Variants in TFB1M observed in about 807,000 individuals in gnomAD.
TFB1M encodes the protein dimethyladenosine transferase 1, mitochondrial.
A neutral mutation model predicts 31.1 loss-of-function variants in TFB1M; 27 were observed. That is an observed-to-expected ratio of 0.87 (90% CI 0.64 to 1.20). The LOEUF (loss-of-function observed/expected upper bound fraction) is 1.20, where lower values mean the gene tolerates loss of function less well. TFB1M is among the 50% of genes most tolerant of loss of function. The pLI is 0.00. For synonymous variants in TFB1M, 166 were observed against 151.8 expected (o/e 1.09, Z -0.69); for missense variants, 394 against 418.7 (o/e 0.94, Z 0.51).
intron 2 of TFB1M, among the ~76,000 whole-genome samples, chr6:155,302,598 T>A (rs1478468141): frequency 6.6e-6 from 1 of 152,200 alleles, no homozygotes; most frequent in Non-Finnish European, 1.5e-5. Flanking sequence ...CTCAGTATTT[T>A]AAATTTATGA....
At chr6:155,279,995 T>C (rs773826698) in intron 5 of TFB1M, among the ~76,000 whole-genome samples, 3 of 152,076 alleles carry the variant, frequency 2.0e-5, no homozygotes, top group Non-Finnish European at 4.4e-5. Flanking sequence ...TAAAAAAGAA[T>C]TTGAGGCAAC....
At chr6:155,300,220 C>G (rs753822266) in intron 2 of TFB1M, among the ~76,000 whole-genome samples, 1 of 152,146 alleles carries the variant, frequency 6.6e-6, no homozygotes, top group Non-Finnish European at 1.5e-5. Flanking sequence ...AGCTGAAACG[C>G]CTCTATTGGT....
chr6:155,245,628 A>G, the TFB1M span: 1 of 1,613,466 alleles, frequency 6.2e-7, no homozygotes, highest in South Asian at 1.1e-5. Flanking sequence ...TCTAGAAATT[A>G]CTGTTTTCCC....
At chr6:155,265,232 T>C (rs1784575823) in intron 5 of TFB1M, among the ~76,000 whole-genome samples, 2 of 152,154 alleles carry the variant, frequency 1.3e-5, no homozygotes, top group South Asian at 4.1e-4. Flanking sequence ...ACTGCCAGGG[T>C]CTGGACCCCA....
chr6:155,284,859 T>C (rs1038879454), intron 5 of TFB1M, among the ~76,000 whole-genome samples: 2 of 152,220 alleles, frequency 1.3e-5, no homozygotes, highest in African/African-American at 4.8e-5. Context: ...ACCGTGTAAC[T>C]TATCTTCCAT....
chr6:155,271,021 T>C (rs1276510346), intron 5 of TFB1M, among the ~76,000 whole-genome samples: 1 of 152,172 alleles, frequency 6.6e-6, no homozygotes, highest in African/African-American at 2.4e-5. Context: ...CCACAGATGT[T>C]AGACTTAGAA....
chr6:155,311,256 T>A lies in TFB1M; in HGVS notation c.217A>T (p.Ile73Phe), dbSNP rs1265895104. The change falls in exon 2 of 7, where the codon ATT becomes TTT. Residue 73 changes from isoleucine (I) to phenylalanine (F), a missense_variant. By Grantham distance (21) the Ile-to-Phe change is conservative. This residue lies in a region of TFB1M where 273 missense variants were observed against 256.4 expected (regional missense o/e 1.06). Coordinates refer to ENST00000367166, the MANE Select transcript of TFB1M (RefSeq NM_016020.4). The part of the protein sequence containing the change: ...GPGPGGITRS[I>F]LNADVAELLV... ...AGTTCAGCGACGTCGGCATTAAGAA[T>A]AGATCTTGTGATTCCCCCTGGCCCA... 6.2e-7 allele frequency: 1 copy of A among 1,614,050 alleles called. No homozygotes were observed. The highest frequency in any genetic ancestry group is 8.5e-7 in the Non-Finnish European group (1 of 1,179,986).
At chr6:155,247,493 G>A in the TFB1M span, among the ~76,000 whole-genome samples, 185 of 151,910 alleles carry the variant, frequency 1.2e-3, 1 homozygote, top group African/African-American at 4.1e-3. Flanking sequence ...CACGCCCGGC[G>A]AATTTTTGTA....
chr6:155,312,753 C>G, intron 1 of TFB1M, among the ~76,000 whole-genome samples: 1 of 151,966 alleles, frequency 6.6e-6, no homozygotes, highest in Non-Finnish European at 1.5e-5. Flanking sequence ...AAACTTACTC[C>G]TGAAGATAAA....
At chr6:155,254,236 A>G (rs1054526481), downstream of TFB1M, 49 of 1,015,852 alleles carry the variant, frequency 4.8e-5, no homozygotes, top group Non-Finnish European at 6.7e-5. Flanking sequence ...AATAAATATC[A>G]AAATCTTAAG....
At chr6:155,236,599 G>T in the TFB1M span, among the ~76,000 whole-genome samples, 2 of 152,164 alleles carry the variant, frequency 1.3e-5, no homozygotes, top group African/African-American at 4.8e-5. Context: ...GGAGGCAGAG[G>T]TTGCAGTGAG....
chr6:155,257,599 C>CTGTT lies in TFB1M; in HGVS notation c.*233_*236dup, dbSNP rs562177747. On this transcript the variant is annotated 3_prime_UTR_variant, in exon 7 of 7. Transcript: ENST00000367166. ...TTTGTAAGATAGATTGTAATAGATG[C>CTGTT]TGTTTATACTAAACATGTCATAACT... The CTGTT allele has an allele frequency of 1.3e-3, 663 of 497,822 alleles. 6 individuals are homozygous for CTGTT. The highest frequency in any genetic ancestry group is 0.011 in the African/African-American group (589 of 51,870). 30.8% of individuals were successfully genotyped at this position (497,822 alleles called of 1,614,324 possible). A position where few individuals can be genotyped will look rare whatever the true frequency, so the allele number is the denominator to read the frequency against.
rs902381133 is a variant in TFB1M at position 155,258,094 on chromosome 6, A to C, written c.795-12T>G. On this transcript the variant is annotated splice_polypyrimidine_tract_variant and intron_variant, in intron 6 of 6. Coordinates refer to ENST00000367166, the MANE Select transcript of TFB1M (RefSeq NM_016020.4). ...CAGGGAATAACATTCTGAGGGGAAG[A>C]CAGACAGACAGAAAAATAAGAATTT... The C allele has an allele frequency of 1.2e-6, 2 of 1,608,282 alleles. No individual in the cohort carries two copies. The highest frequency in any genetic ancestry group is 1.1e-5 in the South Asian group (1 of 90,922).
the TFB1M span, among the ~76,000 whole-genome samples, chr6:155,239,906 A>G: frequency 6.6e-6 from 1 of 152,182 alleles, no homozygotes; most frequent in South Asian, 2.1e-4. Context: ...TGAGGGTGTT[A>G]CCATCTTCAT....
chr6:155,231,166 T>G, the TFB1M span, among the ~76,000 whole-genome samples: 1 of 152,134 alleles, frequency 6.6e-6, no homozygotes, highest in South Asian at 2.1e-4. Flanking sequence ...TACCAGTAAA[T>G]CACGTCCTTC....
At chr6:155,253,502 A>C, downstream of TFB1M, 1 of 176,248 alleles carries the variant, frequency 5.7e-6, no homozygotes, top group Non-Finnish European at 1.2e-5. Context: ...GGTGACAGGT[A>C]TCTGGTGACA....
At chr6:155,285,580 T>A (rs1211065345) in intron 4 of TFB1M, among the ~76,000 whole-genome samples, 1 of 152,202 alleles carries the variant, frequency 6.6e-6, no homozygotes. Context: ...CAGAAGGTCC[T>A]ACATAAAACA....
chr6:155,252,779 G>A (rs560333388), downstream of TFB1M: 86 of 593,154 alleles, frequency 1.4e-4, 1 homozygote, highest in East Asian at 2.2e-3. Context: ...TAGCATGTGA[G>A]GTCTTTGAGA....
At chr6:155,290,352 C>T (rs1026801236) in intron 4 of TFB1M, among the ~76,000 whole-genome samples, 1 of 143,560 alleles carries the variant, frequency 7.0e-6, no homozygotes, top group African/African-American at 2.6e-5. Context: ...CACCACTGCA[C>T]TCCAGCCTGG....
Sources: allele counts gnomAD v4.1 joint callset (sites outside exome capture counted in the v4.1 genomes callset), GRCh38; gene constraint gnomAD v4.1.1; regional missense constraint gnomAD v4.1.1; transcripts MANE v1.5; gene names NCBI Gene and HGNC (gene_info 2026-07-23, HGNC 2026-07-21).